The following CRY1 variants were observed in gnomAD, a reference collection of about 807,000 sequenced individuals.
CRY1 encodes the protein cryptochrome circadian regulator 1.
In CRY1, 45 loss-of-function variants were observed where a neutral mutation model predicts 76.0. The observed-to-expected ratio is 0.59, with a 90% CI of 0.47 to 0.76. The LOEUF (loss-of-function observed/expected upper bound fraction) is 0.76, where lower values mean the gene tolerates loss of function less well. Ranked by LOEUF, CRY1 falls within the 30% of genes least tolerant of loss-of-function variation. CRY1 has a pLI of 0.00. For missense variants in CRY1, 587 were observed against 716.4 expected (o/e 0.82, Z 2.06); for synonymous variants, 248 against 244.0 (o/e 1.02, Z -0.15).
chr12:107,091,230 G>A (rs1388681547), intron 1 of CRY1, among the ~76,000 whole-genome samples: 1 of 152,034 alleles, frequency 6.6e-6, no homozygotes, highest in Non-Finnish European at 1.5e-5. Flanking sequence ...AGTATTAATA[G>A]AGACAGGGTT....
intron 1 of CRY1, among the ~76,000 whole-genome samples, chr12:107,041,749 A>G (rs1479803313): frequency 8.1e-6 from 1 of 122,950 alleles, no homozygotes; most frequent in Non-Finnish European, 1.6e-5. Context: ...CGCTAGATGA[A>G]TTCAAGTTTT....
At chr12:107,011,391 C>T (rs1324652686) in intron 2 of CRY1, among the ~76,000 whole-genome samples, 3 of 151,768 alleles carry the variant, frequency 2.0e-5, no homozygotes, top group East Asian at 3.9e-4. Context: ...AAAGCTGAGG[C>T]AGGCCAAAAG....
Position 107,014,649 on chromosome 12 carries a change from T to G in CRY1, c.267+7435A>C, listed in dbSNP as rs555122713. On this transcript the variant is annotated intron_variant, in intron 2 of 12. Coordinates refer to ENST00000008527, the MANE Select transcript of CRY1 (RefSeq NM_004075.5). ...TTAAGGTAGAAACTTAGTTCTTGAT[T>G]TTTCCTTTTCTAATACAATATTGAA... Among the ~76,000 whole-genome samples the G allele has an allele frequency of 2.5e-4, 38 of 152,262 alleles. No homozygotes were observed. In the South Asian group the frequency reaches 7.3e-3, roughly 29 times the overall value.
chr12:106,997,287 C>T lies in CRY1; in HGVS notation c.1585+7G>A. 1 of 1,612,230 alleles carries T rather than the reference C, an allele frequency of 6.2e-7. No individual in the cohort carries two copies. The highest frequency in any genetic ancestry group is 1.1e-5 in the South Asian group (1 of 90,932). ...TTACTAAGTGCAGAAATTTCCTTTT[C>T]ACTTACTTCCACTGCTGCTACAACC... is the stretch of plus-strand genomic sequence containing the variant. On this transcript the variant is annotated splice_region_variant and intron_variant, in intron 10 of 12. Coordinates refer to ENST00000008527, the MANE Select transcript of CRY1 (RefSeq NM_004075.5).
At chr12:107,083,249 A>G (rs973789440) in intron 1 of CRY1, among the ~76,000 whole-genome samples, 1 of 152,284 alleles carries the variant, frequency 6.6e-6, no homozygotes, top group East Asian at 1.9e-4. Context: ...TCACAGCCAA[A>G]TTCTACCAGA....
chr12:106,994,999 T>C (rs1036251618), intron 10 of CRY1, among the ~76,000 whole-genome samples: 3 of 152,210 alleles, frequency 2.0e-5, no homozygotes, highest in South Asian at 2.1e-4. Flanking sequence ...GAATAAAATA[T>C]TTTCTCTTGT....
At chr12:107,030,707 T>C (rs1399937061) in intron 1 of CRY1, among the ~76,000 whole-genome samples, 1 of 151,500 alleles carries the variant, frequency 6.6e-6, no homozygotes, top group Non-Finnish European at 1.5e-5. Flanking sequence ...ACTGATATTA[T>C]GTGCCATGTG....
At chr12:107,017,537 T>C (rs11113167) in intron 2 of CRY1, among the ~76,000 whole-genome samples, 6,261 of 152,262 alleles carry the variant, frequency 0.041, 223 homozygotes, top group African/African-American at 0.1. Context: ...TTGGCTGTTG[T>C]TTGGTCCACT....
chr12:107,051,755 A>G (rs1277080429), intron 1 of CRY1, among the ~76,000 whole-genome samples: 1 of 152,284 alleles, frequency 6.6e-6, no homozygotes, highest in African/African-American at 2.4e-5. Flanking sequence ...ACAAGTCTAT[A>G]TAACTTATGC....
intron 1 of CRY1, among the ~76,000 whole-genome samples, chr12:107,087,595 C>T (rs1340121837): frequency 3.3e-5 from 5 of 152,180 alleles, no homozygotes; most frequent in Admixed American, 3.3e-4. Flanking sequence ...ATGTCTGTTC[C>T]ACCATTGTAT....
intron 2 of CRY1, among the ~76,000 whole-genome samples, chr12:107,009,056 T>A (rs1952407219): frequency 6.6e-6 from 1 of 152,244 alleles, no homozygotes. Context: ...GAATTTCTAG[T>A]TAGCTAAAAG....
chr12:107,018,250 G>A (rs1952517887), intron 2 of CRY1, among the ~76,000 whole-genome samples: 2 of 152,206 alleles, frequency 1.3e-5, no homozygotes, highest in Admixed American at 1.3e-4. Flanking sequence ...GCTTCAGTGT[G>A]GCCATCTATA....
intron 1 of CRY1, among the ~76,000 whole-genome samples, chr12:107,061,123 A>C (rs1467269779): frequency 6.6e-6 from 1 of 152,208 alleles, no homozygotes; most frequent in Non-Finnish European, 1.5e-5. Flanking sequence ...ACAACTATTT[A>C]ACATATATGT....
At chr12:106,992,731 ATTTATGT>A in intron 12 of CRY1, 49 bp downstream of exon 12, 1 of 1,364,128 alleles carries the variant, frequency 7.3e-7, no homozygotes, top group East Asian at 2.3e-5. Context: ...AATTATCTTA[ATTTATGT>A]TAATTATATA....
intron 1 of CRY1, among the ~76,000 whole-genome samples, chr12:107,041,930 C>T (rs555290249): frequency 2.4e-4 from 37 of 152,002 alleles, no homozygotes; most frequent in African/African-American, 8.9e-4. Flanking sequence ...TCCGGGGCTG[C>T]GGAAAGGAAA....
chr12:107,052,091 G>A (rs1952929274), intron 1 of CRY1, among the ~76,000 whole-genome samples: 1 of 151,988 alleles, frequency 6.6e-6, no homozygotes, highest in South Asian at 2.1e-4. Flanking sequence ...GTTTGCACGA[G>A]GTTTTTCTAA....
intron 2 of CRY1, among the ~76,000 whole-genome samples, chr12:107,009,614 T>C (rs1316631240): frequency 7.8e-6 from 1 of 128,652 alleles, no homozygotes; most frequent in Non-Finnish European, 1.7e-5. Flanking sequence ...AATCTCTATA[T>C]CTCCAGGTTC....
chr12:107,080,758 T>C lies in CRY1; in HGVS notation c.158+12046A>G, dbSNP rs1039043402. ...GAGTGGGTGGGAGTGAAGCCGGACA[T>C]GCCTTAGTTTGGATTGGGTTCAAGG... On this transcript the variant is annotated intron_variant, in intron 1 of 12. Coordinates refer to ENST00000008527, the MANE Select transcript of CRY1 (RefSeq NM_004075.5). Among the ~76,000 whole-genome samples the C allele has an allele frequency of 3.3e-5, 5 of 152,086 alleles. No homozygotes were observed. The East Asian group carries it at 9.6e-4, about 29-fold the overall frequency.
chr12:106,996,899 T>G (rs1952238420), intron 10 of CRY1, among the ~76,000 whole-genome samples: 1 of 152,236 alleles, frequency 6.6e-6, no homozygotes, highest in Admixed American at 6.5e-5. Flanking sequence ...TCTATGCATG[T>G]GTACAATAAA....
Sources: gnomAD v4.1 joint callset for allele counts (sites outside exome capture counted in the v4.1 genomes callset) on GRCh38, gnomAD v4.1.1 for gene constraint, MANE v1.5 for transcripts, NCBI Gene and HGNC (gene_info 2026-07-23, HGNC 2026-07-21) for gene names.